Variants in NOS1AP observed in about 807,000 individuals in gnomAD.
NOS1AP encodes the protein nitric oxide synthase 1 adaptor protein.
NOS1AP carries 21 observed loss-of-function variants against 56.2 expected under a neutral mutation model. The observed-to-expected ratio is 0.37, with a 90% confidence interval of 0.26 to 0.54. The LOEUF (loss-of-function observed/expected upper bound fraction) is 0.54, where lower values mean the gene tolerates loss of function less well. NOS1AP is among the 20% of genes least tolerant of loss of function. The pLI is 0.84. For missense variants in NOS1AP, 522 were observed against 657.8 expected (o/e 0.79, Z 2.26); for synonymous variants, 270 against 274.6 (o/e 0.98, Z 0.17).
intron 1 of NOS1AP, among the ~76,000 whole-genome samples, chr1:162,079,054 C>T (rs1691833547): frequency 6.6e-6 from 1 of 152,112 alleles, no homozygotes; most frequent in African/African-American, 2.4e-5. Flanking sequence ...CCTGGGTCAC[C>T]CAATGGTGAG....
intron 4 of NOS1AP, among the ~76,000 whole-genome samples, chr1:162,321,692 C>T (rs1656418300): frequency 6.8e-6 from 1 of 146,572 alleles, no homozygotes; most frequent in Non-Finnish European, 1.5e-5. Context: ...ACGTTGTGCA[C>T]ATGTACCCTA....
intron 4 of NOS1AP, among the ~76,000 whole-genome samples, chr1:162,314,551 T>C (rs1282858249): frequency 6.6e-6 from 1 of 152,192 alleles, no homozygotes; most frequent in Non-Finnish European, 1.5e-5. Flanking sequence ...GTGCAAAACA[T>C]TGAAGAATCT....
intron 2 of NOS1AP, among the ~76,000 whole-genome samples, chr1:162,263,054 G>A (rs1233670483): frequency 1.3e-5 from 2 of 152,090 alleles, no homozygotes; most frequent in Non-Finnish European, 2.9e-5. Context: ...AAGAACATTT[G>A]TCACAACTGG....
At chr1:162,335,299 C>T (rs1429900233) in intron 5 of NOS1AP, among the ~76,000 whole-genome samples, 2 of 152,210 alleles carry the variant, frequency 1.3e-5, no homozygotes, top group Non-Finnish European at 2.9e-5. Flanking sequence ...GGATTGTTTC[C>T]AGTCAGCCTG....
At chr1:162,163,096 G>A (rs1310165963) in intron 2 of NOS1AP, among the ~76,000 whole-genome samples, 11 of 152,100 alleles carry the variant, frequency 7.2e-5, no homozygotes, top group African/African-American at 2.7e-4. Context: ...TTAGCGTAAT[G>A]TTTTCAAGGT....
intron 2 of NOS1AP, among the ~76,000 whole-genome samples, chr1:162,175,494 T>G (rs2102138562): frequency 6.6e-6 from 1 of 152,332 alleles, no homozygotes; most frequent in South Asian, 2.1e-4. Context: ...GAGCACGTTT[T>G]AACTTTCTGG....
At chr1:162,261,520 G>A (rs1654230672) in intron 2 of NOS1AP, among the ~76,000 whole-genome samples, 1 of 33,110 alleles carries the variant, frequency 3.0e-5, no homozygotes, top group African/African-American at 9.4e-5. Flanking sequence ...GAGAGAGAGA[G>A]AGAGAGAGAG....
intron 2 of NOS1AP, among the ~76,000 whole-genome samples, chr1:162,229,099 G>A (rs1455284922): frequency 6.6e-6 from 1 of 152,234 alleles, no homozygotes; most frequent in Non-Finnish European, 1.5e-5. Flanking sequence ...TTGGGATGAA[G>A]TTGGAGTCTG....
intron 1 of NOS1AP, among the ~76,000 whole-genome samples, chr1:162,091,676 C>A (rs1052779521): frequency 1.3e-5 from 2 of 152,146 alleles, no homozygotes; most frequent in African/African-American, 4.8e-5. Flanking sequence ...TGAATAAATC[C>A]TGCTTATGTG....
chr1:162,308,606 G>A (rs1655923371), intron 4 of NOS1AP, among the ~76,000 whole-genome samples: 1 of 152,192 alleles, frequency 6.6e-6, no homozygotes, highest in Non-Finnish European at 1.5e-5. Flanking sequence ...GTAGCAGTCG[G>A]ACCAAGGGAA....
At chr1:162,235,799 A>G (rs2101674756) in intron 2 of NOS1AP, among the ~76,000 whole-genome samples, 1 of 152,340 alleles carries the variant, frequency 6.6e-6, no homozygotes, top group South Asian at 2.1e-4. Context: ...TGCCTGACTC[A>G]CTGATGACAT....
intron 2 of NOS1AP, among the ~76,000 whole-genome samples, chr1:162,262,058 A>G (rs1369632497): frequency 6.6e-6 from 1 of 152,176 alleles, no homozygotes; most frequent in Non-Finnish European, 1.5e-5. Flanking sequence ...AAAGTAGTAG[A>G]TGAGCAAAGA....
chr1:162,119,413 A>G (rs1648108252), intron 1 of NOS1AP, among the ~76,000 whole-genome samples: 1 of 152,202 alleles, frequency 6.6e-6, no homozygotes, highest in South Asian at 2.1e-4. Flanking sequence ...CTTTTCCCTA[A>G]GAACTGTATA....
At chr1:162,142,618 T>A (rs547275464) in intron 1 of NOS1AP, among the ~76,000 whole-genome samples, 1 of 152,326 alleles carries the variant, frequency 6.6e-6, no homozygotes, top group Admixed American at 6.5e-5. Context: ...CCTTGAGGAT[T>A]TGAGGACAGG....
At chr1:162,300,798 A>C (rs779424712) in intron 4 of NOS1AP, 92 bp downstream of exon 4, 9 of 1,065,696 alleles carry the variant, frequency 8.4e-6, no homozygotes, top group Non-Finnish European at 1.3e-5. Context: ...ATCCAGGCAA[A>C]TTTAAATAAA....
At chr1:162,082,700 CT>C (rs947309198) in intron 1 of NOS1AP, among the ~76,000 whole-genome samples, 1 of 152,058 alleles carries the variant, frequency 6.6e-6, no homozygotes, top group African/African-American at 2.4e-5. Context: ...TGATGTTGAG[CT>C]TTTTTTGCAT....
intron 2 of NOS1AP, among the ~76,000 whole-genome samples, chr1:162,253,671 CT>C (rs1486243472): frequency 2.6e-5 from 4 of 152,190 alleles, no homozygotes; most frequent in Admixed American, 2.6e-4. Context: ...ATGCTGAGAT[CT>C]AAGGAAATGT....
At chr1:162,128,354 A>G (rs142069422) in intron 1 of NOS1AP, among the ~76,000 whole-genome samples, 1,727 of 152,108 alleles carry the variant, frequency 0.011, 18 homozygotes, top group Middle Eastern at 0.031. Context: ...AATACTTTCT[A>G]TTGTGTTGCA....
intron 1 of NOS1AP, among the ~76,000 whole-genome samples, chr1:162,124,685 C>G (rs921158116): frequency 1.3e-5 from 2 of 152,074 alleles, no homozygotes; most frequent in African/African-American, 4.8e-5. Context: ...GCGCGCCCAG[C>G]TAATTTTTTG....
Sources: gnomAD v4.1 joint callset for allele counts (sites outside exome capture counted in the v4.1 genomes callset) on GRCh38, gnomAD v4.1.1 for gene constraint, MANE v1.5 for transcripts, NCBI Gene and HGNC (gene_info 2026-07-23, HGNC 2026-07-21) for gene names.